KLF12: variants seen among roughly 807,000 people sequenced by gnomAD.
The protein encoded by KLF12 is Krueppel-like factor 12.
In KLF12, 9 loss-of-function variants were observed where a neutral mutation model predicts 37.8. The ratio of observed to expected loss-of-function variants is 0.24; its 90% CI spans 0.14 to 0.42. The LOEUF is 0.42. KLF12 is among the 10% of genes least tolerant of loss of function. The probability of loss-of-function intolerance (pLI) is 1.00; values close to 1 mark genes in which losing one functional copy is unlikely to be tolerated. For synonymous variants in KLF12, 208 were observed against 202.1 expected, an observed-to-expected ratio of 1.03 and a Z score of -0.25; for missense variants, 411 against 516.0, an observed-to-expected ratio of 0.80 and a Z score of 1.97.
At chr13:73,852,405 T>C (rs1360176659) in intron 3 of KLF12, among the ~76,000 whole-genome samples, 3 of 152,226 alleles carry the variant, frequency 2.0e-5, no homozygotes, top group Non-Finnish European at 4.4e-5. Flanking sequence ...GAATGAGTTA[T>C]CTACTGCATG....
At chr13:73,716,927 TG>T (rs1875858507) in intron 6 of KLF12, among the ~76,000 whole-genome samples, 1 of 152,222 alleles carries the variant, frequency 6.6e-6, no homozygotes, top group East Asian at 1.9e-4. Context: ...ACAGTTTTAC[TG>T]GCATAACTTT....
chr13:73,909,190 C>T (rs2139138803), intron 3 of KLF12, among the ~76,000 whole-genome samples: 1 of 152,284 alleles, frequency 6.6e-6, no homozygotes, highest in African/African-American at 2.4e-5. Context: ...ACCCTCCCAG[C>T]CCAAGGTATC....
chr13:74,238,425 G>T, the KLF12 span, among the ~76,000 whole-genome samples: 2 of 138,490 alleles, frequency 1.4e-5, no homozygotes, highest in Non-Finnish European at 1.5e-5. Flanking sequence ...TCTCTGCCTG[G>T]CTTTGGTATC....
chr13:74,200,014 T>C, the KLF12 span, among the ~76,000 whole-genome samples: 2 of 152,086 alleles, frequency 1.3e-5, no homozygotes, highest in African/African-American at 2.4e-5. Context: ...TTAAAGATAA[T>C]TAAAGTTGAT....
chr13:73,736,370 C>G (rs964892193), intron 6 of KLF12, among the ~76,000 whole-genome samples: 1 of 152,306 alleles, frequency 6.6e-6, no homozygotes, highest in Non-Finnish European at 1.5e-5. Flanking sequence ...TCAATTCAGA[C>G]AGTTAATTAT....
intron 7 of KLF12, among the ~76,000 whole-genome samples, chr13:73,708,544 T>G (rs560876660): frequency 6.6e-6 from 1 of 152,280 alleles, no homozygotes; most frequent in Admixed American, 6.5e-5. Context: ...TCAGACCCTC[T>G]TCTAGACTAG....
At chr13:74,041,946 C>T (rs978839466) in intron 1 of KLF12, among the ~76,000 whole-genome samples, 1 of 152,052 alleles carries the variant, frequency 6.6e-6, no homozygotes, top group African/African-American at 2.4e-5. Flanking sequence ...TAAATAAGTG[C>T]TATACAAGTG....
chr13:73,921,836 C>T (rs1056768812), intron 3 of KLF12, among the ~76,000 whole-genome samples: 3 of 152,060 alleles, frequency 2.0e-5, no homozygotes, highest in Non-Finnish European at 4.4e-5. Context: ...CTATACAGTG[C>T]CCTGAGGATG....
intron 1 of KLF12, among the ~76,000 whole-genome samples, chr13:74,132,239 T>G (rs1359083803): frequency 6.6e-6 from 1 of 152,172 alleles, no homozygotes; most frequent in African/African-American, 2.4e-5. Context: ...ACAAGCTGCT[T>G]CTTGCTAAAA....
intron 6 of KLF12, among the ~76,000 whole-genome samples, chr13:73,746,859 G>A (rs1185777819): frequency 7.7e-6 from 1 of 129,294 alleles, no homozygotes; most frequent in Non-Finnish European, 1.5e-5. Flanking sequence ...CTGTCGCCCA[G>A]GCTGGAGTGC....
At chr13:73,817,645 C>A (rs138313518) in intron 4 of KLF12, among the ~76,000 whole-genome samples, 29 of 152,332 alleles carry the variant, frequency 1.9e-4, no homozygotes, top group African/African-American at 7.0e-4. Flanking sequence ...CAGACCGTAA[C>A]CTCCTCTTGC....
rs1156252274 is a variant in KLF12 at position 73,960,818 on chromosome 13, T to G, written c.34-16748A>C. Among the ~76,000 whole-genome samples the G allele has an allele frequency of 2.0e-5, 3 of 152,186 alleles. 1 individual carries two copies. The highest frequency in any genetic ancestry group is 2.0e-4 in the Admixed American group (3 of 15,282). On this transcript the variant is annotated intron_variant, in intron 2 of 7. Coordinates refer to ENST00000377669, the MANE Select transcript of KLF12 (RefSeq NM_007249.5). ...GTTATACTGTTAACTCATCTGAGAA[T>G]GATATGTTTTTTATGTTCTAGGGAG...
intron 5 of KLF12, among the ~76,000 whole-genome samples, chr13:73,793,081 C>T (rs1467923618): frequency 6.6e-6 from 1 of 152,148 alleles, no homozygotes; most frequent in East Asian, 1.9e-4. Flanking sequence ...AAAGTGACAA[C>T]CTTTCTACCC....
chr13:74,260,444 C>T, the KLF12 span, among the ~76,000 whole-genome samples: 3 of 151,766 alleles, frequency 2.0e-5, no homozygotes, highest in East Asian at 3.9e-4. Context: ...GTCCTAGCTA[C>T]TTGGGAGACT....
chr13:74,141,965 G>T, the KLF12 span, among the ~76,000 whole-genome samples: 2 of 151,920 alleles, frequency 1.3e-5, no homozygotes, highest in Non-Finnish European at 2.9e-5. Flanking sequence ...AATTCTTGCT[G>T]GCAAACAGAA....
In KLF12 at chr13:73,840,506, C is replaced by G. The variant is rs374467929; in HGVS notation, c.670+5321G>C. On this transcript the variant is annotated intron_variant, in intron 4 of 7. Transcript: ENST00000377669. ...CACGTCCCAAAGGGAATTCCTCTCT[C>G]AACCCCACTGTGCTCATCTTAGTAG... Among the ~76,000 whole-genome samples, 4 of 152,232 alleles carry G rather than the reference C, an allele frequency of 2.6e-5. No individual in the cohort carries two copies. In the East Asian group the frequency reaches 7.7e-4, roughly 29 times the overall value.
chr13:74,078,487 C>T (rs1251773094), intron 1 of KLF12, among the ~76,000 whole-genome samples: 1 of 152,142 alleles, frequency 6.6e-6, no homozygotes, highest in Non-Finnish European at 1.5e-5. Context: ...TTATAAATGG[C>T]CATACATTTA....
At chr13:74,088,412 A>G (rs772155361) in intron 1 of KLF12, among the ~76,000 whole-genome samples, 6 of 151,968 alleles carry the variant, frequency 3.9e-5, no homozygotes, top group Non-Finnish European at 8.8e-5. Context: ...ATTTTTAGTA[A>G]AGACGGCATT....
intron 6 of KLF12, among the ~76,000 whole-genome samples, chr13:73,758,044 A>T (rs1179484364): frequency 6.6e-6 from 1 of 151,870 alleles, no homozygotes; most frequent in East Asian, 1.9e-4. Flanking sequence ...TTATGACATG[A>T]CCATTGCTTT....
Sources: gnomAD v4.1 joint callset for allele counts (sites outside exome capture counted in the v4.1 genomes callset) on GRCh38, gnomAD v4.1.1 for gene constraint, MANE v1.5 for transcripts, NCBI Gene and HGNC (gene_info 2026-07-23, HGNC 2026-07-21) for gene names.